DMRT1: variants seen among roughly 807,000 people sequenced by gnomAD.
DMRT1 encodes the protein doublesex and mab-3 related transcription factor 1.
DMRT1 carries 7 observed loss-of-function variants against 32.3 expected under a neutral mutation model. The ratio of observed to expected loss-of-function variants is 0.22; its 90% CI spans 0.12 to 0.41. DMRT1 has a LOEUF of 0.41. Ranked by LOEUF, DMRT1 falls within the 10% of genes least tolerant of loss-of-function variation. The probability of loss-of-function intolerance (pLI) is 1.00; values close to 1 mark genes in which losing one functional copy is unlikely to be tolerated. For missense variants in DMRT1, 625 were observed against 500.5 expected (o/e 1.25, Z -2.37); for synonymous variants, 278 against 206.1 (o/e 1.35, Z -2.99).
At chr9:925,999 G>A (rs1421504000) in intron 4 of DMRT1, among the ~76,000 whole-genome samples, 1 of 152,096 alleles carries the variant, frequency 6.6e-6, no homozygotes, top group East Asian at 1.9e-4. Context: ...CTATTTGCAG[G>A]GACTAAAGGC....
At chr9:949,483 C>T (rs374489545) in intron 4 of DMRT1, among the ~76,000 whole-genome samples, 1 of 152,136 alleles carries the variant, frequency 6.6e-6, no homozygotes, top group Non-Finnish European at 1.5e-5. Flanking sequence ...AGTATACACC[C>T]GTGACACGAT....
At chr9:894,455 A>T in intron 3 of DMRT1, 1 of 548,744 alleles carries the variant, frequency 1.8e-6, no homozygotes, top group Admixed American at 3.1e-5. Flanking sequence ...ATTGGAAAGA[A>T]ATAATGTACA....
chr9:918,725 A>AAGAACTAT (rs3084909), intron 4 of DMRT1, among the ~76,000 whole-genome samples: 1 of 151,696 alleles, frequency 6.6e-6, no homozygotes, highest in Non-Finnish European at 1.5e-5. Context: ...GAGAGCTGGG[A>AAGAACTAT]AGTAAAATCT....
chr9:861,443 A>G (rs944640499), intron 2 of DMRT1, among the ~76,000 whole-genome samples: 1 of 152,230 alleles, frequency 6.6e-6, no homozygotes, highest in Non-Finnish European at 1.5e-5. Flanking sequence ...ACAGAACAAA[A>G]TGGAGTCTCC....
At chr9:900,314 C>A (rs1357691137) in intron 3 of DMRT1, among the ~76,000 whole-genome samples, 2 of 152,218 alleles carry the variant, frequency 1.3e-5, no homozygotes, top group Admixed American at 1.3e-4. Context: ...AAGCCAGTAC[C>A]TTTTCACTGC....
chr9:954,279 C>A (rs934222820), intron 4 of DMRT1, among the ~76,000 whole-genome samples: 1 of 152,104 alleles, frequency 6.6e-6, no homozygotes, highest in Non-Finnish European at 1.5e-5. Flanking sequence ...GGAAGCGTAA[C>A]AGCCACCAGG....
intron 2 of DMRT1, among the ~76,000 whole-genome samples, chr9:890,320 C>G (rs1368455861): frequency 6.6e-6 from 1 of 152,090 alleles, no homozygotes; most frequent in African/African-American, 2.4e-5. Context: ...GTGCCCTCTC[C>G]AGACTTGGGG....
At chr9:916,695 G>GATA in intron 3 of DMRT1, 68 bp from the exon 4 acceptor site, 3 of 1,574,816 alleles carry the variant, frequency 1.9e-6, no homozygotes, top group Non-Finnish European at 2.6e-6. Context: ...TAAAGAACTA[G>GATA]ATAATTATTG....
intron 4 of DMRT1, among the ~76,000 whole-genome samples, chr9:957,941 G>A (rs949374636): frequency 3.3e-4 from 51 of 152,284 alleles, no homozygotes; most frequent in African/African-American, 1.2e-3. Context: ...ACCCGCAGGC[G>A]GAGGTTGCCC....
At chr9:896,993 C>T (rs1399652340) in intron 3 of DMRT1, among the ~76,000 whole-genome samples, 1 of 151,846 alleles carries the variant, frequency 6.6e-6, no homozygotes, top group East Asian at 1.9e-4. Flanking sequence ...TTTTGCTACC[C>T]TCAGGGATCT....
chr9:955,587 T>C (rs1469629449), intron 4 of DMRT1, among the ~76,000 whole-genome samples: 3 of 152,158 alleles, frequency 2.0e-5, no homozygotes, highest in Non-Finnish European at 2.9e-5. Context: ...ATGCCTGTAG[T>C]CTCAGCTACT....
intron 4 of DMRT1, among the ~76,000 whole-genome samples, chr9:966,832 A>G (rs1819945203): frequency 6.6e-6 from 1 of 152,246 alleles, no homozygotes. Context: ...GACCCAGTGC[A>G]GCTTCTACTA....
intron 3 of DMRT1, among the ~76,000 whole-genome samples, chr9:897,987 CAT>C (rs2129650058): frequency 6.6e-6 from 1 of 152,226 alleles, no homozygotes; most frequent in South Asian, 2.1e-4. Flanking sequence ...TGCGTTAAGA[CAT>C]AGATGTTATA....
Position 846,243 on chromosome 9 carries a change from G to A in DMRT1, c.355-717G>A, listed in dbSNP as rs897356381. On this transcript the variant is annotated intron_variant, in intron 1 of 4. Transcript: ENST00000382276. ...AGATGGGGTTTCACCATGTTGGCCA[G>A]GCCGATCTCGAACTCCTGACCTCCG... Among the ~76,000 whole-genome samples the A allele has an allele frequency of 5.3e-5, 8 of 152,142 alleles. No homozygotes were observed. In the South Asian group the frequency reaches 1.7e-3, roughly 32 times the overall value.
intron 3 of DMRT1, among the ~76,000 whole-genome samples, chr9:906,131 T>G (rs563509953): frequency 6.6e-6 from 1 of 152,232 alleles, no homozygotes; most frequent in East Asian, 1.9e-4. Flanking sequence ...GTCATTTCAA[T>G]TAGTTGGAGG....
intron 2 of DMRT1, among the ~76,000 whole-genome samples, chr9:885,724 G>A (rs536282087): frequency 6.6e-6 from 1 of 152,292 alleles, no homozygotes; most frequent in Non-Finnish European, 1.5e-5. Flanking sequence ...AGGCAGAAGT[G>A]CCTGTCTTCA....
chr9:952,493 T>C (rs954104290), intron 4 of DMRT1, among the ~76,000 whole-genome samples: 3 of 152,256 alleles, frequency 2.0e-5, no homozygotes, highest in African/African-American at 7.2e-5. Flanking sequence ...CTAACATTTC[T>C]GATTCCCAGG....
At position 842,088 on chromosome 9, in the gene DMRT1, T is replaced by C. The variant is rs1363465578; in HGVS notation, c.250T>C (p.Tyr84His). The change falls in exon 1 of 5, where the codon TAC (tyrosine) becomes CAC (histidine). Residue 84 changes from tyrosine (Y) to histidine (H), a missense_variant. This residue lies in a region of DMRT1 where 201 missense variants were observed against 152.0 expected (regional missense o/e 1.32). Transcript: ENST00000382276. The stretch of plus-strand genomic sequence containing the variant: ...GTGCGCACGCTGCAGGAACCACGGC[T>C]ACGCCTCGCCGCTCAAGGGCCACAA... ...PKCARCRNHGYASPLKGHKRF... is the reference protein window; with the variant it reads ...PKCARCRNHGHASPLKGHKRF... The C allele has an allele frequency of 3.2e-6, 5 of 1,546,560 alleles. No homozygotes were observed. The highest frequency in any genetic ancestry group is 4.3e-6 in the Non-Finnish European group (5 of 1,150,072).
At position 847,135 on chromosome 9, in the gene DMRT1, C is replaced by A; in HGVS notation, c.530C>A (p.Ala177Glu). ...QPPPASVPTTAASEGRMVIQD... is the reference protein window; with the variant it reads ...QPPPASVPTTEASEGRMVIQD... ...CCGCCGGCCAGTGTCCCCACCACTG[C>A]AGCTTCAGGTAATCTGGAGGGGCTG... The change falls in exon 2 of 5, where the codon GCA becomes GAA. Residue 177 changes from alanine (A) to glutamate (E), a missense_variant. Physicochemically the swap from Ala to Glu is moderately radical, Grantham distance 107. Transcript: ENST00000382276. The A allele has an allele frequency of 6.2e-7, 1 of 1,612,804 alleles. No individual in the cohort carries two copies. Among genetic ancestry groups the A allele is most frequent in the Non-Finnish European group, 8.5e-7 (1 of 1,179,872 alleles).
Sources: gnomAD v4.1 joint callset for allele counts (sites outside exome capture counted in the v4.1 genomes callset) on GRCh38, gnomAD v4.1.1 for gene constraint, gnomAD v4.1.1 regional missense constraint, MANE v1.5 for transcripts, NCBI Gene and HGNC (gene_info 2026-07-23, HGNC 2026-07-21) for gene names.